ZNF626: variants seen among roughly 807,000 people sequenced by gnomAD.
ZNF626 encodes zinc finger protein 626.
Under a neutral mutation model 11.7 loss-of-function variants are expected in ZNF626, and 4 were observed. The observed-to-expected ratio is 0.34, with a 90% CI of 0.17 to 0.78. The LOEUF (loss-of-function observed/expected upper bound fraction) is 0.78, where lower values mean the gene tolerates loss of function less well. Among genes scored for constraint, ZNF626 ranks in the 30% least tolerant of loss-of-function variants. The pLI is 0.57. For missense variants in ZNF626, 588 were observed against 587.1 expected, an observed-to-expected ratio of 1.00 and a Z score of -0.01; for synonymous variants, 179 against 198.6, an observed-to-expected ratio of 0.90 and a Z score of 0.83.
intron 1 of ZNF626, among the ~76,000 whole-genome samples, chr19:20,650,414 T>C (rs1485604285): frequency 6.6e-6 from 1 of 152,208 alleles, no homozygotes; most frequent in Non-Finnish European, 1.5e-5. Context: ...AGTCCCTAAA[T>C]AGAATGTCTC....
intron 3 of ZNF626, among the ~76,000 whole-genome samples, chr19:20,625,894 AG>A (rs1969825691): frequency 6.6e-6 from 1 of 152,170 alleles, no homozygotes. Context: ...ACGGCCAAAT[AG>A]AAGAAATAGA....
chr19:20,624,230 A>T lies in ZNF626; in HGVS notation c.*60T>A, dbSNP rs781822467. 2 of 1,611,978 alleles carry T rather than the reference A, an allele frequency of 1.2e-6. No individual in the cohort carries two copies. Among genetic ancestry groups the T allele is most frequent in the Admixed American group, 3.3e-5 (2 of 59,800 alleles). Reference sequence around the variant, plus strand: ...ATTTTCTTATGTGTAGTAAGGTTAGAGAAATGCTTAAAAGCTTTGTCACAT... The same window carrying T: ...ATTTTCTTATGTGTAGTAAGGTTAGTGAAATGCTTAAAAGCTTTGTCACAT... On this transcript the variant is annotated 3_prime_UTR_variant, in exon 4 of 4. Transcript: ENST00000601440.
chr19:20,646,383 A>G lies in ZNF626; in HGVS notation c.26T>C (p.Val9Ala). The change falls in exon 2 of 4, where the codon GTG becomes GCG. Residue 9 changes from valine to alanine, a missense_variant. Coordinates refer to ENST00000601440, the MANE Select transcript of ZNF626 (RefSeq NM_001076675.3). MGPLQFRDVAIEFSLEEWH... is the reference protein window; with the variant it reads MGPLQFRDAAIEFSLEEWH... ...CTCCTCCAGAGAGAATTCTATGGCC[A>G]CATCTCTAAATTGCAATGGTCCCTG... 1 of 1,614,114 alleles carries G rather than the reference A, an allele frequency of 6.2e-7. No homozygotes were observed. Among genetic ancestry groups the G allele is most frequent in the Non-Finnish European group, 8.5e-7 (1 of 1,179,990 alleles).
chr19:20,636,853 T>G (rs1364973551), intron 3 of ZNF626, among the ~76,000 whole-genome samples: 1 of 152,010 alleles, frequency 6.6e-6, no homozygotes, highest in Non-Finnish European at 1.5e-5. Flanking sequence ...AAACACCGTT[T>G]GTACTAAAAG....
rs1555769500 is a variant in ZNF626, at chr19:20,625,459, T to A, written c.418A>T (p.Thr140Ser). Residue 140 changes from threonine (T) to serine (S), a missense_variant, in exon 4 of 4, where the codon ACC becomes TCC. Physicochemically the swap from Thr to Ser is moderately conservative, Grantham distance 58. This residue lies in a region of ZNF626 where 524 missense variants were observed against 470.1 expected (regional missense o/e 1.11). Coordinates refer to ENST00000601440, the MANE Select transcript of ZNF626 (RefSeq NM_001076675.3). ...TCACATTGACATATTTTTCTTGGGG[T>A]AGTTGTCAAACATTGGTTAAGTTCA... ...YNELNQCLTT[T>S]PRKICQCDKY... The A allele has an allele frequency of 1.9e-6, 3 of 1,613,998 alleles. No homozygotes were observed. The African/African-American group carries it at 4.0e-5, about 22-fold the overall frequency.
intron 1 of ZNF626, among the ~76,000 whole-genome samples, chr19:20,655,847 T>C (rs782102508): frequency 5.0e-4 from 76 of 151,526 alleles, no homozygotes; most frequent in Non-Finnish European, 8.0e-4. Context: ...AGGCAGGAGA[T>C]TGGCGTGAAC....
chr19:20,627,028 C>A (rs1205355437), intron 3 of ZNF626, among the ~76,000 whole-genome samples: 9 of 150,922 alleles, frequency 6.0e-5, no homozygotes, highest in African/African-American at 7.4e-5. Context: ...GAAAAACTAA[C>A]TAAATAAATA....
At chr19:20,633,381 G>T (rs1969930196) in intron 3 of ZNF626, among the ~76,000 whole-genome samples, 1 of 121,054 alleles carries the variant, frequency 8.3e-6, no homozygotes, top group East Asian at 2.7e-4. Flanking sequence ...CCTGCCCCCA[G>T]AGGTGGAGCC....
chr19:20,631,253 G>A (rs1226875693), intron 3 of ZNF626, among the ~76,000 whole-genome samples: 1 of 151,938 alleles, frequency 6.6e-6, no homozygotes, highest in Non-Finnish European at 1.5e-5. Flanking sequence ...ATATTCTGTT[G>A]ATTTGGGGTG....
chr19:20,631,225 T>A (rs1243497946), intron 3 of ZNF626, among the ~76,000 whole-genome samples: 3 of 151,946 alleles, frequency 2.0e-5, no homozygotes, highest in African/African-American at 7.3e-5. Flanking sequence ...AGGTGTGGTG[T>A]GGTGCTGAAA....
Position 20,624,606 on chromosome 19 carries a change from G to A in ZNF626, c.1271C>T (p.Pro424Leu). ...TTTGCCACATTCTTCACATTTGTAG[G>A]GTCTCTCTCCAGTATGAATTTTCTT... ...THKKIHTGER[P>L]YKCEECGKAF... Residue 424 changes from proline to leucine, a missense_variant, in exon 4 of 4, where the codon CCC (proline) becomes CTC (leucine). By Grantham distance (98) the Pro-to-Leu change is moderately conservative (BLOSUM62 -3). Around this residue, in one of 4 missense-constraint regions of ZNF626, gnomAD observed 15 missense variants for 28.3 expected, o/e 0.53. Coordinates refer to ENST00000601440, the MANE Select transcript of ZNF626 (RefSeq NM_001076675.3). 6.3e-7 allele frequency: 1 copy of A among 1,587,384 alleles called. No individual in the cohort carries two copies. The highest frequency in any genetic ancestry group is 8.6e-7 in the Non-Finnish European group (1 of 1,162,708).
intron 3 of ZNF626, among the ~76,000 whole-genome samples, chr19:20,636,058 G>T (rs1264423055): frequency 6.6e-6 from 1 of 152,168 alleles, no homozygotes; most frequent in Non-Finnish European, 1.5e-5. Flanking sequence ...CATGAACCTA[G>T]AAGTTGGAGG....
chr19:20,652,235 C>T (rs1436152292), intron 1 of ZNF626, among the ~76,000 whole-genome samples: 1 of 146,360 alleles, frequency 6.8e-6, no homozygotes, highest in Non-Finnish European at 1.5e-5. Context: ...AAGTGGAGTA[C>T]AAACGAAGGA....
intron 3 of ZNF626, among the ~76,000 whole-genome samples, chr19:20,627,678 AAG>A (rs1460343054): frequency 6.6e-6 from 1 of 152,200 alleles, no homozygotes; most frequent in African/African-American, 2.4e-5. Flanking sequence ...TTTAAAAATC[AAG>A]AGTCAACTTG....
At chr19:20,626,825 G>A (rs1599471944) in intron 3 of ZNF626, among the ~76,000 whole-genome samples, 2 of 152,170 alleles carry the variant, frequency 1.3e-5, no homozygotes, top group East Asian at 3.9e-4. Context: ...AATTAGCCTG[G>A]CCAACATGGT....
At chr19:20,634,555 A>C (rs1235749655) in intron 3 of ZNF626, among the ~76,000 whole-genome samples, 1 of 151,702 alleles carries the variant, frequency 6.6e-6, no homozygotes, top group African/African-American at 2.4e-5. Flanking sequence ...TTAAGCATGC[A>C]CTTGTTGAAA....
chr19:20,658,041 C>G (rs1970223828), intron 1 of ZNF626, among the ~76,000 whole-genome samples: 1 of 151,780 alleles, frequency 6.6e-6, no homozygotes, highest in African/African-American at 2.4e-5. Flanking sequence ...ACTTCAAACC[C>G]CCATGACGTA....
intron 3 of ZNF626, among the ~76,000 whole-genome samples, chr19:20,627,527 G>A (rs372918836): frequency 1.1e-4 from 17 of 151,642 alleles, no homozygotes; most frequent in African/African-American, 4.1e-4. Flanking sequence ...GAAAAGGAAA[G>A]ACAAAGATAT....
At chr19:20,634,559 G>C (rs931593523) in intron 3 of ZNF626, among the ~76,000 whole-genome samples, 23 of 150,478 alleles carry the variant, frequency 1.5e-4, no homozygotes, top group African/African-American at 5.6e-4. Flanking sequence ...GCATGCACTT[G>C]TTGAAATAAC....
Sources: allele counts gnomAD v4.1 joint callset (sites outside exome capture counted in the v4.1 genomes callset), GRCh38; gene constraint gnomAD v4.1.1; regional missense constraint gnomAD v4.1.1; transcripts MANE v1.5; gene names NCBI Gene and HGNC (gene_info 2026-07-23, HGNC 2026-07-21).